PCDH15: variants seen among roughly 807,000 people sequenced by gnomAD.
PCDH15 encodes the protein protocadherin related 15.
Under a neutral mutation model 178.5 loss-of-function variants are expected in PCDH15, and 129 were observed. That is an observed-to-expected ratio of 0.72 (90% CI 0.63 to 0.84). The LOEUF (loss-of-function observed/expected upper bound fraction) is 0.84. Among genes scored for constraint, PCDH15 ranks in the 40% least tolerant of loss-of-function variants. The pLI is 0.00. For synonymous variants in PCDH15, 800 were observed against 732.0 expected (o/e 1.09, Z -1.50); for missense variants, 2,230 against 2,099.9 (o/e 1.06, Z -1.21).
chr10:54,486,173 A>G (rs2079083356), intron 3 of PCDH15: 1 of 152,016 alleles, frequency 6.6e-6, no homozygotes, highest in Admixed American at 6.6e-5. Flanking sequence ...ACAGAGAACA[A>G]TTCAGTCAGT....
intron 3 of PCDH15, among the ~76,000 whole-genome samples, chr10:54,849,775 A>G (rs1281446196): frequency 6.6e-6 from 1 of 152,180 alleles, no homozygotes; most frequent in East Asian, 1.9e-4. Context: ...ATCAAAATGA[A>G]GTTGACTATA....
At chr10:55,158,507 G>A (rs976965580) in intron 2 of PCDH15, among the ~76,000 whole-genome samples, 1 of 151,968 alleles carries the variant, frequency 6.6e-6, no homozygotes, top group Non-Finnish European at 1.5e-5. Context: ...CAAGACAGAA[G>A]TGCCTCCACC....
chr10:53,931,297 G>T (rs2057739889), intron 25 of PCDH15, among the ~76,000 whole-genome samples: 1 of 152,154 alleles, frequency 6.6e-6, no homozygotes, highest in Admixed American at 6.5e-5. Context: ...GGCAGAACTG[G>T]AGCTTAGTTA....
At chr10:55,405,122 A>T (rs1838164901) in intron 2 of PCDH15, among the ~76,000 whole-genome samples, 1 of 151,508 alleles carries the variant, frequency 6.6e-6, no homozygotes, top group Non-Finnish European at 1.5e-5. Context: ...TAAGTCATAA[A>T]GATAGAAAAA....
At chr10:55,406,905 G>C (rs1046141993) in intron 2 of PCDH15, among the ~76,000 whole-genome samples, 3 of 152,080 alleles carry the variant, frequency 2.0e-5, no homozygotes, top group Non-Finnish European at 2.9e-5. Flanking sequence ...AAGTTAATTA[G>C]GATAAAAACA....
At chr10:54,081,932 T>C (rs1251326577) in intron 16 of PCDH15, among the ~76,000 whole-genome samples, 1 of 152,116 alleles carries the variant, frequency 6.6e-6, no homozygotes, top group African/African-American at 2.4e-5. Flanking sequence ...GATGAAACTC[T>C]GGAAAACAGT....
intron 2 of PCDH15, among the ~76,000 whole-genome samples, chr10:55,138,335 G>A (rs1191198834): frequency 6.6e-6 from 1 of 152,110 alleles, no homozygotes; most frequent in African/African-American, 2.4e-5. Context: ...GATTTTCTAT[G>A]TCAAATCATA....
At chr10:54,125,319 G>A (rs148853420) in intron 15 of PCDH15, among the ~76,000 whole-genome samples, 17 of 152,282 alleles carry the variant, frequency 1.1e-4, no homozygotes, top group African/African-American at 3.1e-4. Context: ...GCATCAGAGC[G>A]AGTCACCTCA....
intron 10 of PCDH15, among the ~76,000 whole-genome samples, chr10:54,207,224 CTTCCT>C (rs1319650311): frequency 1.3e-5 from 2 of 152,116 alleles, no homozygotes; most frequent in African/African-American, 4.8e-5. Flanking sequence ...GGACATCATA[CTTCCT>C]TTCCTTTTAT....
chr10:54,807,496 T>C (rs76192482), intron 3 of PCDH15, among the ~76,000 whole-genome samples: 5,361 of 151,912 alleles, frequency 0.035, 273 homozygotes, highest in African/African-American at 0.12. Flanking sequence ...CTATACATTG[T>C]ACTTTTTGTA....
chr10:54,321,431 T>C (rs1259128613), intron 7 of PCDH15, among the ~76,000 whole-genome samples: 1 of 150,962 alleles, frequency 6.6e-6, no homozygotes, highest in Non-Finnish European at 1.5e-5. Flanking sequence ...ATATTTATAA[T>C]ATTTTATGTG....
intron 2 of PCDH15, among the ~76,000 whole-genome samples, chr10:54,987,429 A>G (rs1220144603): frequency 1.3e-5 from 2 of 152,188 alleles, no homozygotes; most frequent in Admixed American, 6.5e-5. Flanking sequence ...TAGATCCTTG[A>G]GGAATCACCA....
chr10:55,091,010 T>C (rs996160020), intron 2 of PCDH15, among the ~76,000 whole-genome samples: 4 of 152,010 alleles, frequency 2.6e-5, no homozygotes, highest in African/African-American at 9.7e-5. Context: ...TCATAGATAC[T>C]GTTTACTTTA....
chr10:54,586,511 T>C (rs2091478311), intron 2 of PCDH15, among the ~76,000 whole-genome samples: 1 of 152,226 alleles, frequency 6.6e-6, no homozygotes, highest in Non-Finnish European at 1.5e-5. Context: ...TCTTATAACA[T>C]AGACCATATC....
chr10:55,165,031 G>T (rs1402130508), intron 2 of PCDH15, among the ~76,000 whole-genome samples: 2 of 151,938 alleles, frequency 1.3e-5, no homozygotes, highest in African/African-American at 2.4e-5. Flanking sequence ...AACCTATATG[G>T]TATTAATAAT....
chr10:54,581,972 G>GA (rs1026617730), intron 2 of PCDH15, among the ~76,000 whole-genome samples: 1 of 151,882 alleles, frequency 6.6e-6, no homozygotes, highest in Non-Finnish European at 1.5e-5. Flanking sequence ...AAAAACCCTA[G>GA]AAAAAAACCC....
At chr10:55,098,099 T>C (rs985550574) in intron 2 of PCDH15, among the ~76,000 whole-genome samples, 2 of 152,186 alleles carry the variant, frequency 1.3e-5, no homozygotes, top group African/African-American at 4.8e-5. Flanking sequence ...TTGATTATAC[T>C]GATATCATTT....
chr10:54,946,926 T>C (rs1323108386), intron 2 of PCDH15, among the ~76,000 whole-genome samples: 2 of 151,914 alleles, frequency 1.3e-5, no homozygotes, highest in Non-Finnish European at 2.9e-5. Flanking sequence ...ATCTGCTGTG[T>C]ATAATAAGGT....
chr10:54,382,820 G>T (rs1949402195), intron 3 of PCDH15, among the ~76,000 whole-genome samples: 1 of 152,088 alleles, frequency 6.6e-6, no homozygotes, highest in African/African-American at 2.4e-5. Flanking sequence ...CTGACTCAAA[G>T]AAACTATCAA....
Sources: gnomAD v4.1 joint callset for allele counts (sites outside exome capture counted in the v4.1 genomes callset) on GRCh38, gnomAD v4.1.1 for gene constraint, MANE v1.5 for transcripts, NCBI Gene and HGNC (gene_info 2026-07-23, HGNC 2026-07-21) for gene names.